POLR3B: variants seen among roughly 807,000 people sequenced by gnomAD.
POLR3B encodes RNA polymerase III subunit B.
A neutral mutation model predicts 147.4 loss-of-function variants in POLR3B; 96 were observed. The observed-to-expected ratio is 0.65, with a 90% CI of 0.55 to 0.77. POLR3B has a LOEUF of 0.77. Among genes scored for constraint, POLR3B ranks in the 30% least tolerant of loss-of-function variants. The pLI is 0.00. For missense variants in POLR3B, 1,036 were observed against 1,413.5 expected, an observed-to-expected ratio of 0.73 and a Z score of 4.28; for synonymous variants, 461 against 485.9, an observed-to-expected ratio of 0.95 and a Z score of 0.67.
chr12:106,439,256 A>G (rs1352051293), intron 18 of POLR3B, among the ~76,000 whole-genome samples: 2 of 152,198 alleles, frequency 1.3e-5, no homozygotes, highest in African/African-American at 4.8e-5. Context: ...ACACACCTGT[A>G]GTCCTAGCTA....
chr12:106,431,350 T>C (rs948499422), intron 14 of POLR3B, among the ~76,000 whole-genome samples: 19 of 152,206 alleles, frequency 1.2e-4, no homozygotes, highest in Non-Finnish European at 1.6e-4. Context: ...CTTTGAAACA[T>C]TTCATTTCCC....
At chr12:106,452,395 A>G (rs2037808861) in intron 19 of POLR3B, among the ~76,000 whole-genome samples, 1 of 152,162 alleles carries the variant, frequency 6.6e-6, no homozygotes, top group Admixed American at 6.5e-5. Context: ...ATGCCTGAGA[A>G]TTATGTTCTG....
chr12:106,457,366 A>G, intron 21 of POLR3B, 70 bp downstream of exon 21: 3 of 1,357,080 alleles, frequency 2.2e-6, no homozygotes, highest in Non-Finnish European at 2.1e-6. Flanking sequence ...ATATTTCTGA[A>G]TATTTGGCAA....
Position 106,380,151 on chromosome 12 carries a change from G to T in POLR3B, c.723+12G>T, listed in dbSNP as rs755542166. ...TCATCATATTTAAGGTAAAGCTGCA[G>T]CTCTCTTCTGAAAATTGTAAGAATT... On this transcript the variant is annotated intron_variant, in intron 9 of 27. Coordinates refer to ENST00000228347, the MANE Select transcript of POLR3B (RefSeq NM_018082.6). 7.3e-7 allele frequency: 1 copy of T among 1,367,998 alleles called. No homozygotes were observed. The highest frequency in any genetic ancestry group is 1.0e-6 in the Non-Finnish European group (1 of 955,816). 84.7% of individuals were successfully genotyped at this position (1,367,998 alleles called of 1,614,324 possible). A position where few individuals can be genotyped will look rare whatever the true frequency, so the allele number is the denominator to read the frequency against.
chr12:106,380,245 T>G, intron 9 of POLR3B, 106 bp downstream of exon 9: 1 of 731,028 alleles, frequency 1.4e-6, no homozygotes, highest in East Asian at 2.7e-5. Flanking sequence ...ATAGAAAGAT[T>G]TGTGATGTAA....
intron 19 of POLR3B, among the ~76,000 whole-genome samples, chr12:106,448,417 T>A (rs2037751507): frequency 6.9e-6 from 1 of 145,546 alleles, no homozygotes; most frequent in African/African-American, 2.5e-5. Flanking sequence ...ATTCTTTACA[T>A]ACGTTATTTC....
At chr12:106,420,758 A>AT (rs1038728815) in intron 12 of POLR3B, among the ~76,000 whole-genome samples, 1 of 152,066 alleles carries the variant, frequency 6.6e-6, no homozygotes, top group African/African-American at 2.4e-5. Flanking sequence ...TTTATAGGTA[A>AT]TTTTTAACAT....
intron 23 of POLR3B, among the ~76,000 whole-genome samples, chr12:106,468,959 A>G (rs1283756936): frequency 6.6e-6 from 1 of 152,104 alleles, no homozygotes; most frequent in Non-Finnish European, 1.5e-5. Context: ...TATTAGGTCC[A>G]TTTGGTCCAG....
intron 10 of POLR3B, among the ~76,000 whole-genome samples, chr12:106,395,831 G>A (rs1023232884): frequency 2.6e-5 from 4 of 152,068 alleles, no homozygotes; most frequent in Non-Finnish European, 4.4e-5. Flanking sequence ...TTAGCCGGGC[G>A]TGGTGGTGGG....
At position 106,447,218 on chromosome 12, in the gene POLR3B, G is replaced by A. The variant is rs542276344; in HGVS notation, c.2083+2628G>A. Among the ~76,000 whole-genome samples the A allele has an allele frequency of 8.5e-5, 13 of 152,176 alleles. No individual in the cohort carries two copies. The South Asian group carries it at 2.7e-3, about 32-fold the overall frequency. ...TTCACTAAATATTCTAGCCAATCTG[G>A]AAAATTTGCTCTCTACCATTCCCTA... On this transcript the variant is annotated intron_variant, in intron 19 of 27. Coordinates refer to ENST00000228347, the MANE Select transcript of POLR3B (RefSeq NM_018082.6).
At chr12:106,391,262 A>G (rs539121516) in intron 9 of POLR3B, among the ~76,000 whole-genome samples, 6 of 152,184 alleles carry the variant, frequency 3.9e-5, no homozygotes, top group African/African-American at 1.4e-4. Context: ...CATGGTAGCT[A>G]TCTTCCCCCA....
intron 23 of POLR3B, among the ~76,000 whole-genome samples, chr12:106,463,929 G>A (rs545371553): frequency 2.7e-5 from 4 of 149,252 alleles, no homozygotes; most frequent in South Asian, 2.1e-4. Context: ...AAAATAAATA[G>A]TAGTACCTTT....
chr12:106,496,567 G>C (rs901619688), intron 24 of POLR3B, 185 bp from the exon 25 acceptor site: 1 of 634,300 alleles, frequency 1.6e-6, no homozygotes, highest in Non-Finnish European at 2.8e-6. Flanking sequence ...AAGAAATATA[G>C]GACCTATCTC....
At chr12:106,369,453 C>A in intron 5 of POLR3B, 103 bp downstream of exon 5, 1 of 951,326 alleles carries the variant, frequency 1.1e-6, no homozygotes, top group Non-Finnish European at 1.7e-6. Context: ...TGGGGGGGGA[C>A]ATTCTTTGGA....
chr12:106,446,726 G>A (rs1392414459), intron 19 of POLR3B, among the ~76,000 whole-genome samples: 1 of 152,130 alleles, frequency 6.6e-6, no homozygotes, highest in Admixed American at 6.6e-5. Flanking sequence ...GAAGACAAAA[G>A]CCACTGAATA....
chr12:106,366,262 G>A (rs1054563888), intron 2 of POLR3B, among the ~76,000 whole-genome samples: 37 of 152,120 alleles, frequency 2.4e-4, no homozygotes, highest in African/African-American at 8.2e-4. Flanking sequence ...TTTGATTTCC[G>A]AGAGTCAGAT....
At chr12:106,383,717 C>T (rs1035251754) in intron 9 of POLR3B, among the ~76,000 whole-genome samples, 12 of 152,110 alleles carry the variant, frequency 7.9e-5, no homozygotes, top group African/African-American at 2.7e-4. Flanking sequence ...CAATAGCTCA[C>T]GCCTATAATC....
intron 23 of POLR3B, among the ~76,000 whole-genome samples, chr12:106,487,076 C>T (rs1296304138): frequency 6.6e-6 from 1 of 152,182 alleles, no homozygotes. Flanking sequence ...TTAGTGTGGG[C>T]CCTAAGGGGG....
intron 13 of POLR3B, among the ~76,000 whole-genome samples, chr12:106,427,755 T>C: frequency 6.6e-6 from 1 of 152,196 alleles, no homozygotes; most frequent in East Asian, 1.9e-4. Context: ...TTTATATTCT[T>C]CAAAGACCTA....
Sources: gnomAD v4.1 joint callset for allele counts (sites outside exome capture counted in the v4.1 genomes callset) on GRCh38, gnomAD v4.1.1 for gene constraint, MANE v1.5 for transcripts, NCBI Gene and HGNC (gene_info 2026-07-23, HGNC 2026-07-21) for gene names.